Variants in GPC5 observed in about 807,000 individuals in gnomAD.
GPC5 encodes the protein glypican 5, also known as glypican-5.
A neutral mutation model predicts 53.9 loss-of-function variants in GPC5; 47 were observed. The observed-to-expected ratio is 0.87, with a 90% CI of 0.69 to 1.11. The LOEUF (loss-of-function observed/expected upper bound fraction) is 1.11, where lower values mean the gene tolerates loss of function less well. GPC5 is among the 50% of genes most tolerant of loss of function. The probability of loss-of-function intolerance (pLI) is 0.00; values close to 1 mark genes in which losing one functional copy is unlikely to be tolerated. For synonymous variants in GPC5, 286 were observed against 263.3 expected (o/e 1.09, Z -0.84); for missense variants, 748 against 713.1 (o/e 1.05, Z -0.56).
intron 6 of GPC5, among the ~76,000 whole-genome samples, chr13:92,122,972 A>C (rs981871292): frequency 2.6e-5 from 4 of 152,050 alleles, no homozygotes; most frequent in African/African-American, 7.2e-5. Context: ...TGTTCCAATC[A>C]CATTGATCCT....
At chr13:92,154,293 A>C (rs1349534800) in intron 7 of GPC5, among the ~76,000 whole-genome samples, 1 of 152,164 alleles carries the variant, frequency 6.6e-6, no homozygotes, top group Non-Finnish European at 1.5e-5. Flanking sequence ...CCCCAGCTCC[A>C]ACACTAGGGA....
intron 7 of GPC5, among the ~76,000 whole-genome samples, chr13:92,527,225 G>GAAAGAAAGAA (rs1566277098): frequency 2.1e-4 from 8 of 37,644 alleles, no homozygotes; most frequent in South Asian, 1.2e-3. Context: ...AAGAAAGAAA[G>GAAAGAAAGAA]AAAGAAAGAA....
chr13:92,307,546 AT>A (rs963189870), intron 7 of GPC5, among the ~76,000 whole-genome samples: 2 of 152,218 alleles, frequency 1.3e-5, no homozygotes, highest in African/African-American at 4.8e-5. Context: ...TTAGCAATAT[AT>A]TTTTTCTTTA....
At chr13:92,849,331 T>C (rs1878715376) in intron 7 of GPC5, among the ~76,000 whole-genome samples, 2 of 152,216 alleles carry the variant, frequency 1.3e-5, no homozygotes, top group African/African-American at 4.8e-5. Flanking sequence ...ACAGAATATT[T>C]AGAGGTTGAA....
intron 3 of GPC5, among the ~76,000 whole-genome samples, chr13:91,705,693 ACC>A (rs34721619): frequency 3.5e-5 from 4 of 113,600 alleles, no homozygotes; most frequent in Admixed American, 9.5e-5. Flanking sequence ...CTCTAAAAAC[ACC>A]CCCCCCCCCA....
chr13:92,648,355 A>G (rs1242298246), intron 7 of GPC5, among the ~76,000 whole-genome samples: 2 of 152,064 alleles, frequency 1.3e-5, no homozygotes, highest in Non-Finnish European at 2.9e-5. Context: ...TTTAAGATAC[A>G]TGCTTCAGTT....
chr13:92,710,046 A>G (rs1466897115), intron 7 of GPC5, among the ~76,000 whole-genome samples: 1 of 152,228 alleles, frequency 6.6e-6, no homozygotes, highest in African/African-American at 2.4e-5. Context: ...TGGCAGAAAT[A>G]CCACTGTGCA....
chr13:92,442,993 G>A (rs371836681), intron 7 of GPC5, among the ~76,000 whole-genome samples: 171 of 152,268 alleles, frequency 1.1e-3, no homozygotes, highest in African/African-American at 3.7e-3. Flanking sequence ...ATGGAATACC[G>A]GAGGCTGGGT....
chr13:91,421,516 A>G (rs1036657811), intron 1 of GPC5, among the ~76,000 whole-genome samples: 6 of 152,182 alleles, frequency 3.9e-5, no homozygotes, highest in Non-Finnish European at 8.8e-5. Context: ...AAAGTGAATA[A>G]AGGAATGCAA....
intron 7 of GPC5, among the ~76,000 whole-genome samples, chr13:92,548,813 A>G (rs1882212653): frequency 6.6e-6 from 1 of 152,126 alleles, no homozygotes; most frequent in Non-Finnish European, 1.5e-5. Context: ...TACAAATTGG[A>G]AACCCATTTC....
chr13:92,413,053 A>G (rs1876117912), intron 7 of GPC5, among the ~76,000 whole-genome samples: 1 of 152,214 alleles, frequency 6.6e-6, no homozygotes, highest in Non-Finnish European at 1.5e-5. Flanking sequence ...GGCTACACTA[A>G]GTTCTCAAAG....
At chr13:91,728,750 G>T in intron 4 of GPC5, 85 bp downstream of exon 4, 3 of 1,255,272 alleles carry the variant, frequency 2.4e-6, no homozygotes, top group Non-Finnish European at 2.1e-6. Context: ...CAATTAAATC[G>T]AATAAAATTC....
chr13:92,302,108 A>G (rs1324309924), intron 7 of GPC5, among the ~76,000 whole-genome samples: 6 of 152,194 alleles, frequency 3.9e-5, no homozygotes, highest in Non-Finnish European at 8.8e-5. Flanking sequence ...ATGTATATAC[A>G]TGAGTTTTTG....
At chr13:91,692,863 C>T (rs1297743366) in intron 2 of GPC5, among the ~76,000 whole-genome samples, 4 of 152,116 alleles carry the variant, frequency 2.6e-5, no homozygotes, top group Admixed American at 6.5e-5. Context: ...TGGCTGGTCT[C>T]GAACTCTTAC....
chr13:92,764,793 A>C (rs1429518902), intron 7 of GPC5, among the ~76,000 whole-genome samples: 1 of 152,076 alleles, frequency 6.6e-6, no homozygotes, highest in Non-Finnish European at 1.5e-5. Flanking sequence ...GATAGGTGCT[A>C]GGGGCTTCTC....
intron 6 of GPC5, among the ~76,000 whole-genome samples, chr13:91,921,357 A>G (rs2039712363): frequency 6.6e-6 from 1 of 152,182 alleles, no homozygotes. Context: ...AAAAAGGATG[A>G]CTGTGAGAGG....
chr13:92,697,978 G>T (rs1045585493), intron 7 of GPC5, among the ~76,000 whole-genome samples: 63 of 152,088 alleles, frequency 4.1e-4, no homozygotes, highest in Admixed American at 1.6e-3. Flanking sequence ...CACTGGTTCT[G>T]TTTATGTGAT....
At chr13:92,509,228 C>A (rs1197498345) in intron 7 of GPC5, among the ~76,000 whole-genome samples, 1 of 152,144 alleles carries the variant, frequency 6.6e-6, no homozygotes, top group Non-Finnish European at 1.5e-5. Context: ...TGTATACTTC[C>A]TGATAGTTTT....
chr13:91,494,640 G>A (rs139607859), intron 2 of GPC5, among the ~76,000 whole-genome samples: 7 of 152,016 alleles, frequency 4.6e-5, no homozygotes, highest in Non-Finnish European at 8.8e-5. Flanking sequence ...TCTCCACATC[G>A]TTAAATCCAG....
Sources: gnomAD v4.1 joint callset for allele counts (sites outside exome capture counted in the v4.1 genomes callset) on GRCh38, gnomAD v4.1.1 for gene constraint, MANE v1.5 for transcripts, NCBI Gene and HGNC (gene_info 2026-07-23, HGNC 2026-07-21) for gene names.